KIF20B: variants seen among roughly 807,000 people sequenced by gnomAD.
KIF20B encodes kinesin-like protein KIF20B.
In KIF20B, 188 loss-of-function variants were observed where a neutral mutation model predicts 232.5. The ratio of observed to expected loss-of-function variants is 0.81; its 90% confidence interval spans 0.72 to 0.91. The LOEUF (loss-of-function observed/expected upper bound fraction) is 0.91, where lower values mean the gene tolerates loss of function less well. Among genes scored for constraint, KIF20B ranks in the 40% least tolerant of loss-of-function variants. KIF20B has a pLI of 0.00. For missense variants in KIF20B, 2,154 were observed against 2,055.9 expected (o/e 1.05, Z -0.92); for synonymous variants, 712 against 683.0 (o/e 1.04, Z -0.66).
At chr10:89,724,970 C>T in intron 14 of KIF20B, 50 bp from the exon 15 acceptor site, 1 of 1,563,186 alleles carries the variant, frequency 6.4e-7, no homozygotes, top group South Asian at 1.2e-5. Context: ...AACAAAAACA[C>T]AAAGTAGTTC....
Position 89,751,357 on chromosome 10 carries a change from A to T in KIF20B, c.4108A>T (p.Lys1370Ter). The change falls in exon 24 of 33, where the codon AAA becomes TAA. Residue 1370 changes from lysine to a stop codon, truncating the protein, a stop_gained. Coordinates refer to ENST00000371728, the MANE Select transcript of KIF20B (RefSeq NM_001284259.2). LOFTEE classifies it high-confidence loss of function. Reference protein sequence around the residue: ...YERACKDLNVKEKIIEDMRMT... With the variant: ...YERACKDLNV ...CCCCCGATTTTTAGATCTAAATGTT[A>T]AAGAGAAAATAATTGAAGACATGCG... The T allele has an allele frequency of 6.2e-7, 1 of 1,604,108 alleles. No individual in the cohort carries two copies. The highest frequency in any genetic ancestry group is 8.5e-7 in the Non-Finnish European group (1 of 1,175,720).
At chr10:89,725,317 G>C (rs989660442) in intron 15 of KIF20B, among the ~76,000 whole-genome samples, 159 bp downstream of exon 15, 1 of 151,924 alleles carries the variant, frequency 6.6e-6, no homozygotes, top group African/African-American at 2.4e-5. Flanking sequence ...GAAGTGTAAG[G>C]CACCAAGAAT....
In KIF20B at chr10:89,717,702, G is replaced by T. The variant is rs1310356821; in HGVS notation, c.1251G>T (p.Leu417Phe). ...CTCTGGGAAAGTGTATTAACGTCTTGAAGAATAGTGAAAAGTCAAAGTAAG... is the reference window on the plus strand; with the variant it reads ...CTCTGGGAAAGTGTATTAACGTCTTTAAGAATAGTGAAAAGTCAAAGTAAG... ...LLTLGKCINV[L>F]KNSEKSKFQQ... The change falls in exon 11 of 33, where the codon TTG (leucine) becomes TTT (phenylalanine). Residue 417 changes from leucine (L) to phenylalanine (F), a missense_variant. Leu to Phe is a conservative substitution (Grantham distance 22). Transcript: ENST00000371728. 1.3e-6 allele frequency: 2 copies of T among 1,595,818 alleles called. No homozygotes were observed. The highest frequency in any genetic ancestry group is 1.7e-4 in the Middle Eastern group (1 of 5,980).
intron 28 of KIF20B, among the ~76,000 whole-genome samples, chr10:89,761,953 ATATACT>A (rs1338061972): frequency 1.3e-5 from 2 of 152,136 alleles, no homozygotes; most frequent in African/African-American, 4.8e-5. Flanking sequence ...CATGTAATCG[ATATACT>A]TAACTGGGCT....
intron 22 of KIF20B, among the ~76,000 whole-genome samples, chr10:89,744,170 A>C (rs762892854): frequency 1.9e-4 from 29 of 152,210 alleles, no homozygotes; most frequent in Non-Finnish European, 4.1e-4. Flanking sequence ...CATAGTGAAG[A>C]AACCTAGCAG....
chr10:89,734,465 ACAAT>A (rs1841600702), intron 19 of KIF20B, among the ~76,000 whole-genome samples: 1 of 152,098 alleles, frequency 6.6e-6, no homozygotes, highest in African/African-American at 2.4e-5. Flanking sequence ...TTGAGAACAA[ACAAT>A]CACATAAGTT....
chr10:89,719,838 A>C, intron 13 of KIF20B, 132 bp downstream of exon 13: 2 of 685,042 alleles, frequency 2.9e-6, no homozygotes, highest in South Asian at 4.5e-5. Flanking sequence ...ATATTTTGAA[A>C]AATTTCAAAC....
rs1316034175 is a variant in KIF20B at position 89,774,892 on chromosome 10, A to G, written c.*844A>G. The G allele has an allele frequency of 1.3e-5, 2 of 151,950 alleles. No homozygotes were observed. The highest frequency in any genetic ancestry group is 6.6e-5 in the Admixed American group (1 of 15,200). 9.4% of individuals were successfully genotyped at this position (151,950 alleles called of 1,614,324 possible). On this transcript the variant is annotated 3_prime_UTR_variant, in exon 33 of 33. Coordinates refer to ENST00000371728, the MANE Select transcript of KIF20B (RefSeq NM_001284259.2). ...TCTACTCTGTATGCCCATGAGGTCA[A>G]TTGATTTTATTTTTAGATCCCATAA...
At chr10:89,764,726 C>T (rs111250949) in intron 29 of KIF20B, among the ~76,000 whole-genome samples, 8,954 of 150,910 alleles carry the variant, frequency 0.059, 580 homozygotes, top group South Asian at 0.17. Flanking sequence ...GTCCTTCGCC[C>T]ACTTTTTGAT....
chr10:89,723,689 A>G (rs1239481455), intron 13 of KIF20B: 2 of 197,250 alleles, frequency 1.0e-5, no homozygotes, highest in African/African-American at 2.3e-5. Context: ...ATAGATAATA[A>G]ATGCACTAAT....
chr10:89,716,291 A>G, intron 8 of KIF20B, 145 bp from the exon 9 acceptor site: 1 of 515,000 alleles, frequency 1.9e-6, no homozygotes, highest in South Asian at 3.4e-5. Context: ...GTAACCTGAA[A>G]TAGCTGAGTT....
intron 2 of KIF20B, among the ~76,000 whole-genome samples, chr10:89,706,038 C>T (rs1842716168): frequency 6.6e-6 from 1 of 152,118 alleles, no homozygotes; most frequent in South Asian, 2.1e-4. Flanking sequence ...TTGGTAAATA[C>T]CTAGGAATAC....
intron 5 of KIF20B, 51 bp from the exon 6 acceptor site, chr10:89,710,910 T>G (rs1482178930): frequency 1.4e-6 from 2 of 1,440,530 alleles, no homozygotes; most frequent in African/African-American, 2.9e-5. Flanking sequence ...AAGTAAAGTT[T>G]CCTCTTTCCT....
rs117200874 is a variant in KIF20B at position 89,712,310 on chromosome 10, G to A, written c.675+1165G>A. On this transcript the variant is annotated intron_variant, in intron 6 of 32. Transcript: ENST00000371728. Reference sequence around the variant, plus strand: ...GCTTTGTCATCCAGGCTGGAGTATAGCGGTATGATCATAGCTCACTGCTGT... The same window carrying A: ...GCTTTGTCATCCAGGCTGGAGTATAACGGTATGATCATAGCTCACTGCTGT... Among the ~76,000 whole-genome samples, 23 of 151,472 alleles carry A rather than the reference G, an allele frequency of 1.5e-4. No individual in the cohort carries two copies. The East Asian group carries it at 2.9e-3, about 19-fold the overall frequency.
intron 21 of KIF20B, among the ~76,000 whole-genome samples, chr10:89,739,961 C>G (rs754593819): frequency 6.6e-6 from 1 of 152,008 alleles, no homozygotes; most frequent in African/African-American, 2.4e-5. Context: ...TTTATTTAGT[C>G]TCTTGTTGAT....
chr10:89,741,198 T>C (rs1841786897), intron 21 of KIF20B, among the ~76,000 whole-genome samples: 3 of 152,160 alleles, frequency 2.0e-5, no homozygotes, highest in African/African-American at 7.2e-5. Flanking sequence ...CCTAGGTTCA[T>C]TGCATGCAGA....
chr10:89,763,614 T>C (rs1244589393), intron 29 of KIF20B, among the ~76,000 whole-genome samples: 1 of 152,122 alleles, frequency 6.6e-6, no homozygotes, highest in East Asian at 1.9e-4. Flanking sequence ...TTTGGGCCTC[T>C]ATGTAGTGGT....
chr10:89,762,976 A>T, intron 29 of KIF20B, 141 bp downstream of exon 29: 1 of 649,806 alleles, frequency 1.5e-6, no homozygotes, highest in South Asian at 1.9e-5. Flanking sequence ...GCTATATTTT[A>T]TACCCTTTAA....
At chr10:89,771,524 G>A (rs566794071) in intron 31 of KIF20B, among the ~76,000 whole-genome samples, 42 of 152,156 alleles carry the variant, frequency 2.8e-4, no homozygotes, top group African/African-American at 8.4e-4. Flanking sequence ...TCTTAAGGGA[G>A]TTATAGTCAA....
Sources: gnomAD v4.1 joint callset for allele counts (sites outside exome capture counted in the v4.1 genomes callset) on GRCh38, gnomAD v4.1.1 for gene constraint, MANE v1.5 for transcripts, NCBI Gene and HGNC (gene_info 2026-07-23, HGNC 2026-07-21) for gene names.